The following TTC28 variants were observed in gnomAD, a reference collection of about 807,000 sequenced individuals.
TTC28 encodes the protein tetratricopeptide repeat domain 28, also known as tetratricopeptide repeat protein 28.
In TTC28, 61 loss-of-function variants were observed where a neutral mutation model predicts 198.0. The observed-to-expected ratio is 0.31, with a 90% CI of 0.25 to 0.38. The LOEUF (loss-of-function observed/expected upper bound fraction) is 0.38, where lower values mean the gene tolerates loss of function less well. Ranked by LOEUF, TTC28 falls within the 10% of genes least tolerant of loss-of-function variation. The pLI is 1.00. For synonymous variants in TTC28, 1,171 were observed against 1,297.8 expected (o/e 0.90, Z 2.10); for missense variants, 2,678 against 3,164.0 (o/e 0.85, Z 3.69).
At chr22:28,084,597 A>G (rs962975162) in intron 12 of TTC28, among the ~76,000 whole-genome samples, 3 of 152,216 alleles carry the variant, frequency 2.0e-5, no homozygotes, top group African/African-American at 7.2e-5. Context: ...TCTAAAAATC[A>G]GAGTGCCTCT....
rs537558099 is a variant in TTC28 at position 28,555,829 on chromosome 22, C to T, written c.381+73723G>A. On this transcript the variant is annotated intron_variant, in intron 2 of 22. Coordinates refer to ENST00000397906, the MANE Select transcript of TTC28 (RefSeq NM_001145418.2). ...CAAACACCAACTGTTCCCCAAAAAC[C>T]TATTGAAATAAATTTTTAAATGCAA... Among the ~76,000 whole-genome samples the T allele has an allele frequency of 2.8e-4, 42 of 152,214 alleles. 2 individuals are homozygous for T. The highest frequency in any genetic ancestry group is 9.6e-4 in the African/African-American group (40 of 41,524).
chr22:28,658,506 T>C (rs1447038019), intron 1 of TTC28, among the ~76,000 whole-genome samples: 1 of 151,978 alleles, frequency 6.6e-6, no homozygotes, highest in East Asian at 1.9e-4. Flanking sequence ...AGATGGAAAA[T>C]AGAATGGTGG....
chr22:28,087,235 T>C (rs2146833005), intron 12 of TTC28, among the ~76,000 whole-genome samples: 1 of 152,264 alleles, frequency 6.6e-6, no homozygotes, highest in South Asian at 2.1e-4. Context: ...CCAATATCCT[T>C]GATGAACATT....
chr22:28,234,000 G>A (rs543653784), intron 5 of TTC28, among the ~76,000 whole-genome samples: 25 of 151,090 alleles, frequency 1.7e-4, no homozygotes, highest in African/African-American at 4.4e-4. Context: ...TCCGCCTCCC[G>A]GGTTCACGCT....
chr22:28,323,746 T>A (rs1294407905), intron 2 of TTC28, among the ~76,000 whole-genome samples: 1 of 152,046 alleles, frequency 6.6e-6, no homozygotes, highest in African/African-American at 2.4e-5. Context: ...GAGAAAGATA[T>A]CAATATTCAA....
intron 2 of TTC28, among the ~76,000 whole-genome samples, chr22:28,463,895 G>C (rs1282836914): frequency 6.6e-6 from 1 of 151,738 alleles, no homozygotes; most frequent in African/African-American, 2.4e-5. Flanking sequence ...ATGTACCCTA[G>C]AACTTAAAGT....
chr22:28,332,809 T>C (rs533965802), intron 2 of TTC28, among the ~76,000 whole-genome samples: 8 of 152,230 alleles, frequency 5.3e-5, no homozygotes, highest in South Asian at 2.1e-4. Context: ...ATGGAAATCA[T>C]TGTGTCATTA....
intron 1 of TTC28, among the ~76,000 whole-genome samples, chr22:28,646,217 C>T (rs530592426): frequency 6.6e-6 from 1 of 152,234 alleles, no homozygotes; most frequent in African/African-American, 2.4e-5. Context: ...TTTCAGGTTG[C>T]AAAATCGATG....
chr22:28,446,443 C>G (rs1347007470), intron 2 of TTC28, among the ~76,000 whole-genome samples: 1 of 152,152 alleles, frequency 6.6e-6, no homozygotes, highest in Non-Finnish European at 1.5e-5. Context: ...TCCCCAATGT[C>G]AGAGGTGGGG....
At chr22:28,522,629 G>A (rs1296298582) in intron 2 of TTC28, among the ~76,000 whole-genome samples, 2 of 152,056 alleles carry the variant, frequency 1.3e-5, no homozygotes, top group African/African-American at 4.8e-5. Flanking sequence ...CAACAGATTA[G>A]TGATGAACTA....
chr22:28,189,857 ATATT>A (rs1924564074), intron 5 of TTC28, among the ~76,000 whole-genome samples: 1 of 152,188 alleles, frequency 6.6e-6, no homozygotes, highest in Non-Finnish European at 1.5e-5. Context: ...CAAAAAGAGA[ATATT>A]TAAAGAAAAA....
chr22:28,073,083 T>C (rs548409420), intron 12 of TTC28, among the ~76,000 whole-genome samples: 1 of 152,062 alleles, frequency 6.6e-6, no homozygotes, highest in Non-Finnish European at 1.5e-5. Flanking sequence ...TAGAAGCAAA[T>C]GGGTAATATC....
rs2047606520 is a variant in TTC28, at chr22:28,440,693, T to G, written c.382-134050A>C. On this transcript the variant is annotated intron_variant, in intron 2 of 22. Coordinates refer to ENST00000397906, the MANE Select transcript of TTC28 (RefSeq NM_001145418.2). ...AAATGGTTTTTATGAAACCGTTTGG[T>G]AAAACACATGGCATGTGACTGTATC... Among the ~76,000 whole-genome samples the G allele has an allele frequency of 2.6e-5, 4 of 152,210 alleles. 1 individual carries two copies. In the South Asian group the frequency reaches 8.3e-4, roughly 32 times the overall value.
chr22:28,632,180 C>T (rs1300537923), intron 1 of TTC28, among the ~76,000 whole-genome samples: 2 of 150,240 alleles, frequency 1.3e-5, no homozygotes, highest in East Asian at 1.9e-4. Context: ...ATATTATATC[C>T]TGATTTCCAG....
intron 2 of TTC28, among the ~76,000 whole-genome samples, chr22:28,615,452 T>G (rs1464941820): frequency 4.6e-5 from 7 of 152,222 alleles, no homozygotes; most frequent in African/African-American, 1.7e-4. Context: ...TTACTGGGTA[T>G]ATACCCAAAG....
chr22:28,036,967 T>C (rs769217456), intron 12 of TTC28, among the ~76,000 whole-genome samples: 8 of 152,004 alleles, frequency 5.3e-5, no homozygotes, highest in African/African-American at 9.7e-5. Flanking sequence ...AAGACTAAAC[T>C]AGGAAGAAGT....
rs573129597 is a variant in TTC28, at chr22:28,021,973, C to T, written c.4074-7581G>A. 2.0e-5 allele frequency among the ~76,000 whole-genome samples: 3 copies of T among 152,346 alleles called. No individual in the cohort carries two copies. In the South Asian group the frequency reaches 6.2e-4, roughly 32 times the overall value. ...CATCTTCTGGGCTGTGATGTGAGTA[C>T]ACCACTCGCATCCTCTTCCAGCCCT... is the stretch of plus-strand genomic sequence containing the variant. On this transcript the variant is annotated intron_variant, in intron 13 of 22. Transcript: ENST00000397906.
intron 21 of TTC28, 198 bp from the exon 22 acceptor site, chr22:27,985,554 T>C: frequency 2.1e-6 from 1 of 482,422 alleles, no homozygotes; most frequent in Non-Finnish European, 3.8e-6. Context: ...ACCCAGAACA[T>C]CCACTCTACG....
chr22:28,486,436 C>T (rs1051357741), intron 2 of TTC28, among the ~76,000 whole-genome samples: 1 of 152,152 alleles, frequency 6.6e-6, no homozygotes, highest in African/African-American at 2.4e-5. Context: ...AAACAAATAA[C>T]TCTGTAATTC....
Sources: allele counts gnomAD v4.1 joint callset (sites outside exome capture counted in the v4.1 genomes callset), GRCh38; gene constraint gnomAD v4.1.1; transcripts MANE v1.5; gene names NCBI Gene and HGNC (gene_info 2026-07-23, HGNC 2026-07-21).